The following PACRG variants were observed in gnomAD, a reference collection of about 807,000 sequenced individuals.
PACRG encodes parkin coregulated gene protein.
Under a neutral mutation model 29.7 loss-of-function variants are expected in PACRG, and 29 were observed. That is an observed-to-expected ratio of 0.98 (90% CI 0.73 to 1.33). The LOEUF (loss-of-function observed/expected upper bound fraction) is 1.33. Ranked by LOEUF, PACRG falls within the 40% of genes most tolerant of loss-of-function variation. The pLI is 0.00. For synonymous variants in PACRG, 116 were observed against 118.7 expected (o/e 0.98, Z 0.15); for missense variants, 279 against 316.2 (o/e 0.88, Z 0.89).
At chr6:163,295,424 C>T (rs986782377) in intron 4 of PACRG, among the ~76,000 whole-genome samples, 14 of 152,172 alleles carry the variant, frequency 9.2e-5, no homozygotes, top group African/African-American at 3.4e-4. Flanking sequence ...GTAAGGGAAA[C>T]AGCCGAGGCT....
At chr6:163,232,424 C>T (rs2128164203) in intron 4 of PACRG, among the ~76,000 whole-genome samples, 1 of 151,670 alleles carries the variant, frequency 6.6e-6, no homozygotes, top group South Asian at 2.1e-4. Flanking sequence ...CCACTTCTTA[C>T]TTTGTTTAGT....
chr6:163,089,907 A>G (rs892097623), intron 4 of PACRG, among the ~76,000 whole-genome samples: 3 of 152,216 alleles, frequency 2.0e-5, no homozygotes, highest in African/African-American at 4.8e-5. Flanking sequence ...AGATGAATTC[A>G]TATGGCTCTA....
chr6:163,289,237 C>A (rs140070132), intron 4 of PACRG, among the ~76,000 whole-genome samples: 4 of 152,316 alleles, frequency 2.6e-5, no homozygotes, highest in Admixed American at 6.5e-5. Context: ...AGAGTATTTG[C>A]TGCGGCTTTG....
chr6:162,945,247 A>T (rs1385428043), intron 2 of PACRG, among the ~76,000 whole-genome samples: 1 of 152,090 alleles, frequency 6.6e-6, no homozygotes, highest in African/African-American at 2.4e-5. Flanking sequence ...ACCCAACTGT[A>T]TGTTGCCTAC....
At chr6:162,970,102 T>C (rs73783942) in intron 2 of PACRG, among the ~76,000 whole-genome samples, 7 of 152,170 alleles carry the variant, frequency 4.6e-5, no homozygotes, top group Non-Finnish European at 1.0e-4. Context: ...TGCCATGACA[T>C]GCAAATAGTG....
chr6:162,898,525 T>G (rs1795329898), intron 2 of PACRG, among the ~76,000 whole-genome samples: 1 of 152,230 alleles, frequency 6.6e-6, no homozygotes, highest in African/African-American at 2.4e-5. Flanking sequence ...GCTGTGGTGA[T>G]TATGAACACA....
At chr6:163,220,936 G>A (rs1185307954) in intron 4 of PACRG, among the ~76,000 whole-genome samples, 1 of 152,184 alleles carries the variant, frequency 6.6e-6, no homozygotes, top group African/African-American at 2.4e-5. Context: ...CTGATGTTAT[G>A]CAACTTGGGC....
chr6:163,279,890 C>T (rs559299221), intron 4 of PACRG, among the ~76,000 whole-genome samples: 2 of 152,176 alleles, frequency 1.3e-5, no homozygotes, highest in Non-Finnish European at 2.9e-5. Flanking sequence ...TATTGAATTA[C>T]CTGGGAAGAA....
At chr6:163,036,753 G>T (rs1293897990) in intron 2 of PACRG, among the ~76,000 whole-genome samples, 1 of 152,172 alleles carries the variant, frequency 6.6e-6, no homozygotes, top group Non-Finnish European at 1.5e-5. Flanking sequence ...ACACACTAAA[G>T]TAGAGGACAC....
chr6:163,295,813 C>T (rs1307049584), intron 4 of PACRG, among the ~76,000 whole-genome samples: 4 of 151,330 alleles, frequency 2.6e-5, no homozygotes, highest in African/African-American at 9.8e-5. Context: ...AGAGTTTTTC[C>T]CATCTTCTTC....
At chr6:163,230,616 C>T (rs1781983514) in intron 4 of PACRG, among the ~76,000 whole-genome samples, 1 of 149,806 alleles carries the variant, frequency 6.7e-6, no homozygotes, top group African/African-American at 2.5e-5. Context: ...GCCTTTAAGA[C>T]TTATTTGACG....
intron 4 of PACRG, among the ~76,000 whole-genome samples, chr6:163,182,239 G>T (rs181647804): frequency 1.3e-5 from 2 of 152,248 alleles, no homozygotes; most frequent in East Asian, 3.9e-4. Flanking sequence ...AGTTTTTCTT[G>T]CCCATTTCTG....
chr6:163,224,610 T>C (rs962332997), intron 4 of PACRG, among the ~76,000 whole-genome samples: 2 of 152,020 alleles, frequency 1.3e-5, no homozygotes, highest in African/African-American at 4.8e-5. Flanking sequence ...CAATAAATGG[T>C]ATTGAGAAAA....
intron 2 of PACRG, among the ~76,000 whole-genome samples, chr6:163,026,393 G>C (rs1012921160): frequency 1.3e-5 from 2 of 152,112 alleles, no homozygotes; most frequent in Non-Finnish European, 2.9e-5. Flanking sequence ...GAATATATGT[G>C]ACCTTTCTAA....
chr6:162,970,676 A>T (rs1222635712), intron 2 of PACRG, among the ~76,000 whole-genome samples: 1 of 152,214 alleles, frequency 6.6e-6, no homozygotes, highest in East Asian at 1.9e-4. Context: ...GTATCTTCAC[A>T]GCCCTTTATC....
intron 4 of PACRG, among the ~76,000 whole-genome samples, chr6:163,300,595 T>G (rs1784951239): frequency 6.6e-6 from 1 of 152,226 alleles, no homozygotes; most frequent in Non-Finnish European, 1.5e-5. Flanking sequence ...GGAGATAGTC[T>G]CTCTGTCAAT....
chr6:162,912,931 A>G (rs911430715), intron 2 of PACRG, among the ~76,000 whole-genome samples: 1 of 152,060 alleles, frequency 6.6e-6, no homozygotes, highest in Non-Finnish European at 1.5e-5. Context: ...ACAAAAAAAA[A>G]AAAAACAAAA....
chr6:163,159,937 C>G (rs1278002065), intron 4 of PACRG, among the ~76,000 whole-genome samples: 1 of 152,180 alleles, frequency 6.6e-6, no homozygotes, highest in Non-Finnish European at 1.5e-5. Flanking sequence ...GGACAACCCA[C>G]GCTCAGCCCC....
chr6:163,049,596 G>A (rs867751532), intron 2 of PACRG, among the ~76,000 whole-genome samples: 1 of 151,962 alleles, frequency 6.6e-6, no homozygotes, highest in African/African-American at 2.4e-5. Flanking sequence ...AAGATCTCTT[G>A]AAATAGGCCA....
Sources: gnomAD v4.1 joint callset for allele counts (sites outside exome capture counted in the v4.1 genomes callset) on GRCh38, gnomAD v4.1.1 for gene constraint, MANE v1.5 for transcripts, NCBI Gene and HGNC (gene_info 2026-07-23, HGNC 2026-07-21) for gene names.